IL16: variants seen among roughly 807,000 people sequenced by gnomAD.
The protein encoded by IL16 is pro-interleukin-16.
IL16 carries 67 observed loss-of-function variants against 110.1 expected under a neutral mutation model. That is an observed-to-expected ratio of 0.61 (90% confidence interval 0.50 to 0.75). The LOEUF is 0.75. IL16 is among the 30% of genes least tolerant of loss of function. The probability of loss-of-function intolerance (pLI) is 0.00; values close to 1 mark genes in which losing one functional copy is unlikely to be tolerated. For missense variants in IL16, 1,545 were observed against 1,655.0 expected (o/e 0.93, Z 1.15); for synonymous variants, 689 against 662.9 (o/e 1.04, Z -0.61).
chr15:81,221,265 C>T (rs1163463801), intron 1 of IL16, among the ~76,000 whole-genome samples: 1 of 152,082 alleles, frequency 6.6e-6, no homozygotes, highest in Non-Finnish European at 1.5e-5. Flanking sequence ...TGTTAGAAAC[C>T]TTCATTGTGC....
intron 1 of IL16, 22 bp from the exon 2 acceptor site, chr15:81,225,277 T>C (rs1325617257): frequency 2.7e-6 from 4 of 1,488,756 alleles, no homozygotes; most frequent in Non-Finnish European, 8.9e-7. Context: ...CATTGCTTCT[T>C]CCCATTTCCT....
rs1898237985 is a variant in IL16 at position 81,263,357 on chromosome 15, T to TG, written c.422-2302_422-2301insG. Among the ~76,000 whole-genome samples the TG allele has an allele frequency of 4.0e-5, 5 of 123,532 alleles. No individual in the cohort carries two copies. The South Asian group carries it at 9.3e-4, about 23-fold the overall frequency. The allele number at this position is 123,532 out of a possible 152,430, so 81.0% of individuals were successfully genotyped here. A position where few individuals can be genotyped will look rare whatever the true frequency, so the allele number is the denominator to read the frequency against. Reference sequence around the variant, plus strand: ...CCCTTTCAAAAACTATTTTTTTTTGTTTTTTTTTTTTTTGCATTGGGTTGT... The same window carrying TG: ...CCCTTTCAAAAACTATTTTTTTTTGTGTTTTTTTTTTTTTGCATTGGGTTGT... On this transcript the variant is annotated intron_variant, in intron 3 of 18. Coordinates refer to ENST00000683961, the MANE Select transcript of IL16 (RefSeq NM_172217.5).
intron 3 of IL16, among the ~76,000 whole-genome samples, chr15:81,262,066 G>GC (rs1413268827): frequency 9.9e-5 from 15 of 151,986 alleles, no homozygotes; most frequent in South Asian, 4.2e-4. Flanking sequence ...AGCCTGTCCT[G>GC]CCCCCCCGAA....
At position 81,282,621 on chromosome 15, in the gene IL16, G is replaced by T. The variant is rs780810405; in HGVS notation, c.1082-18G>T. The T allele has an allele frequency of 2.5e-6, 4 of 1,599,342 alleles. No individual in the cohort carries two copies. The highest frequency in any genetic ancestry group is 3.4e-6 in the Non-Finnish European group (4 of 1,170,684). On this transcript the variant is annotated intron_variant, in intron 8 of 18. Transcript: ENST00000683961. ...AGCTCAGTCCCGGTCTCCCCACCCC[G>T]CCCTGTTCTGCTTCCAGAGGCCGGC... is the stretch of plus-strand genomic sequence containing the variant.
At position 81,308,824 on chromosome 15, in the gene IL16, A is replaced by G. The variant is rs773665203; in HGVS notation, c.*26A>G. ...GCAGGACATGCTGAAGCCAAAGCCA[A>G]TAACACACAGCTAACACACAGCTCC... On this transcript the variant is annotated 3_prime_UTR_variant, in exon 19 of 19. Coordinates refer to ENST00000683961, the MANE Select transcript of IL16 (RefSeq NM_172217.5). The G allele has an allele frequency of 1.3e-5, 20 of 1,588,086 alleles. No individual in the cohort carries two copies. The highest frequency in any genetic ancestry group is 6.7e-5 in the East Asian group (3 of 44,564).
chr15:81,189,014 C>T (rs1050989408), intron 1 of IL16, among the ~76,000 whole-genome samples: 1 of 152,112 alleles, frequency 6.6e-6, no homozygotes, highest in African/African-American at 2.4e-5. Flanking sequence ...ATGATCAAGG[C>T]TCACTGCAGC....
In IL16 at chr15:81,310,064, A is replaced by T. The variant is rs1010602494; in HGVS notation, c.*1266A>T. The T allele has an allele frequency of 6.6e-6, 1 of 152,278 alleles. No homozygotes were observed. Among genetic ancestry groups the T allele is most frequent in the Non-Finnish European group, 1.5e-5 (1 of 68,044 alleles). 9.4% of individuals were successfully genotyped at this position (152,278 alleles called of 1,614,324 possible). ...CTCTGGATGCCTGATTGCCAAGCTC[A>T]GGACCAGGCAATGTGACTTTGCATC... On this transcript the variant is annotated 3_prime_UTR_variant, in exon 19 of 19. Coordinates refer to ENST00000683961, the MANE Select transcript of IL16 (RefSeq NM_172217.5).
intron 9 of IL16, among the ~76,000 whole-genome samples, chr15:81,283,529 C>G (rs1424766024): frequency 6.6e-6 from 1 of 152,200 alleles, no homozygotes; most frequent in Non-Finnish European, 1.5e-5. Context: ...TGCATTCTAA[C>G]AAAATCCCCA....
chr15:81,261,553 G>T (rs866347108), intron 3 of IL16, among the ~76,000 whole-genome samples: 1 of 152,178 alleles, frequency 6.6e-6, no homozygotes, highest in East Asian at 1.9e-4. Flanking sequence ...TGGCCTGTCG[G>T]TTCCAGTGCC....
chr15:81,245,715 T>C (rs558972245), intron 2 of IL16, among the ~76,000 whole-genome samples: 2 of 147,880 alleles, frequency 1.4e-5, no homozygotes, highest in East Asian at 3.9e-4. Context: ...GATCAGACTT[T>C]TGTTTTGGCT....
upstream of IL16, among the ~76,000 whole-genome samples, chr15:81,194,236 C>T (rs1895544209): frequency 6.6e-6 from 1 of 152,152 alleles, no homozygotes; most frequent in African/African-American, 2.4e-5. Flanking sequence ...CCGCTTAGTA[C>T]AGAAGCTGGG....
chr15:81,254,043 G>A (rs577390200), intron 2 of IL16, among the ~76,000 whole-genome samples: 79 of 152,276 alleles, frequency 5.2e-4, no homozygotes, highest in Middle Eastern at 3.4e-3. Flanking sequence ...GCCTGTAGCC[G>A]TATGATCAAT....
At chr15:81,203,193 T>C (rs1408002864) in intron 1 of IL16, among the ~76,000 whole-genome samples, 2 of 150,882 alleles carry the variant, frequency 1.3e-5, no homozygotes, top group African/African-American at 2.5e-5. Flanking sequence ...GTAAATTTGT[T>C]TGAGTTCATT....
intron 12 of IL16, among the ~76,000 whole-genome samples, chr15:81,293,254 C>G (rs1899826661): frequency 6.6e-6 from 1 of 152,202 alleles, no homozygotes; most frequent in Non-Finnish European, 1.5e-5. Flanking sequence ...TTGCTGGCAT[C>G]TGGGTTCCCA....
At chr15:81,197,892 A>G (rs1895658167) in intron 1 of IL16, among the ~76,000 whole-genome samples, 1 of 151,252 alleles carries the variant, frequency 6.6e-6, no homozygotes, top group African/African-American at 2.4e-5. Flanking sequence ...TACAAAGACG[A>G]CCCCTTTGTC....
chr15:81,269,509 C>A, intron 4 of IL16, 29 bp from the exon 5 acceptor site: 1 of 1,513,382 alleles, frequency 6.6e-7, no homozygotes, highest in South Asian at 1.1e-5. Context: ...TGTGGCTAAT[C>A]TTCTGCCTAC....
chr15:81,184,420 C>T (rs867019819), intron 1 of IL16, among the ~76,000 whole-genome samples: 6 of 152,200 alleles, frequency 3.9e-5, no homozygotes, highest in South Asian at 2.1e-4. Context: ...GCAGTTGCAA[C>T]ACTGGCCTCA....
intron 18 of IL16, 69 bp from the exon 19 acceptor site, chr15:81,308,536 C>A: frequency 8.4e-7 from 1 of 1,193,186 alleles, no homozygotes. Context: ...CTTTGGAGAT[C>A]AAGGAGAGGA....
In IL16 at chr15:81,245,724, C is replaced by CTTTTTTTTTTTT. The variant is rs1009292228; in HGVS notation, c.313-14035_313-14024dup. ...TAGAGAGATCAGACTTTTGTTTTGG[C>CTTTTTTTTTTTT]TTTTTTTTTTTTTTTTTTTTTTTTG... is the stretch of plus-strand genomic sequence containing the variant. On this transcript the variant is annotated intron_variant, in intron 2 of 18. Transcript: ENST00000683961. Among the ~76,000 whole-genome samples, 37 of 61,270 alleles carry CTTTTTTTTTTTT rather than the reference C, an allele frequency of 6.0e-4. 4 individuals carry two copies. The highest frequency in any genetic ancestry group is 1.0e-3 in the East Asian group (2 of 1,958). 40.2% of individuals were successfully genotyped at this position (61,270 alleles called of 152,430 possible). A position where few individuals can be genotyped will look rare whatever the true frequency, so the allele number is the denominator to read the frequency against.
Sources: gnomAD v4.1 joint callset for allele counts (sites outside exome capture counted in the v4.1 genomes callset) on GRCh38, gnomAD v4.1.1 for gene constraint, MANE v1.5 for transcripts, NCBI Gene and HGNC (gene_info 2026-07-23, HGNC 2026-07-21) for gene names.